GRIN2B: variants seen among roughly 807,000 people sequenced by gnomAD.
The protein encoded by GRIN2B is glutamate receptor ionotropic, NMDA 2B.
Under a neutral mutation model 114.5 loss-of-function variants are expected in GRIN2B, and 5 were observed. The ratio of observed to expected loss-of-function variants is 0.04; its 90% CI spans 0.02 to 0.09. The LOEUF is 0.09. Among genes scored for constraint, GRIN2B ranks in the 10% least tolerant of loss-of-function variants. The probability of loss-of-function intolerance (pLI) is 1.00; values close to 1 mark genes in which losing one functional copy is unlikely to be tolerated. For synonymous variants in GRIN2B, 787 were observed against 745.1 expected, an observed-to-expected ratio of 1.06 and a Z score of -0.92; for missense variants, 1,108 against 1,943.5, an observed-to-expected ratio of 0.57 and a Z score of 8.08.
intron 3 of GRIN2B, among the ~76,000 whole-genome samples, chr12:13,769,479 G>GTA (rs1863866788): frequency 6.6e-6 from 1 of 152,068 alleles, no homozygotes; most frequent in Non-Finnish European, 1.5e-5. Flanking sequence ...AGCTGTAAGG[G>GTA]TATACATTTG....
intron 4 of GRIN2B, among the ~76,000 whole-genome samples, chr12:13,736,030 CT>C (rs1166012793): frequency 6.6e-6 from 1 of 151,582 alleles, no homozygotes; most frequent in Admixed American, 6.6e-5. Context: ...GGCTTGCTTG[CT>C]TTTCCCACTT....
intron 2 of GRIN2B, among the ~76,000 whole-genome samples, chr12:13,888,727 C>A (rs546163974): frequency 6.7e-6 from 1 of 150,220 alleles, no homozygotes; most frequent in Non-Finnish European, 1.5e-5. Context: ...GAGCAAGACT[C>A]CATCTCAAAA....
chr12:13,871,699 G>A (rs772216013), intron 2 of GRIN2B, among the ~76,000 whole-genome samples: 20 of 150,184 alleles, frequency 1.3e-4, no homozygotes, highest in South Asian at 6.3e-4. Context: ...TTTAAAAGAC[G>A]TAAAGTCCTG....
chr12:13,927,718 C>A (rs887461493), intron 2 of GRIN2B, among the ~76,000 whole-genome samples: 1 of 151,860 alleles, frequency 6.6e-6, no homozygotes, highest in Non-Finnish European at 1.5e-5. Flanking sequence ...ATTTGGGAGG[C>A]TGAGGTGGGA....
At chr12:13,680,880 C>T (rs1360369333) in intron 4 of GRIN2B, among the ~76,000 whole-genome samples, 3 of 152,240 alleles carry the variant, frequency 2.0e-5, no homozygotes, top group South Asian at 2.1e-4. Context: ...GATGATTAAT[C>T]TACCTGCTTG....
At chr12:13,932,885 A>G (rs1867058629) in intron 2 of GRIN2B, among the ~76,000 whole-genome samples, 1 of 151,938 alleles carries the variant, frequency 6.6e-6, no homozygotes, top group Non-Finnish European at 1.5e-5. Flanking sequence ...ATCTAAAACT[A>G]TTGGTATTTC....
At chr12:13,821,440 T>C (rs1300119049) in intron 3 of GRIN2B, among the ~76,000 whole-genome samples, 2 of 152,152 alleles carry the variant, frequency 1.3e-5, no homozygotes, top group African/African-American at 4.8e-5. Context: ...AAAATGCAAA[T>C]GTCTGAAAGA....
At chr12:13,688,120 C>T (rs564187456) in intron 4 of GRIN2B, among the ~76,000 whole-genome samples, 12 of 152,286 alleles carry the variant, frequency 7.9e-5, no homozygotes, top group African/African-American at 2.9e-4. Flanking sequence ...AATCCATCCA[C>T]TTCTGAATGA....
intron 3 of GRIN2B, among the ~76,000 whole-genome samples, chr12:13,852,822 T>C (rs74067131): frequency 0.079 from 11,980 of 151,670 alleles, 804 homozygotes; most frequent in African/African-American, 0.19. Flanking sequence ...ACTGCCGCCA[T>C]CTGAAAAGAC....
At chr12:13,585,490 G>A (rs1948908704) in intron 10 of GRIN2B, among the ~76,000 whole-genome samples, 1 of 152,154 alleles carries the variant, frequency 6.6e-6, no homozygotes, top group Admixed American at 6.5e-5. Context: ...GGACACTCCG[G>A]TTTATGGAAT....
At chr12:13,916,987 G>A (rs1170812451) in intron 2 of GRIN2B, among the ~76,000 whole-genome samples, 2 of 151,978 alleles carry the variant, frequency 1.3e-5, no homozygotes, top group African/African-American at 2.4e-5. Flanking sequence ...GGCAAAGATG[G>A]GGAAGAGAAA....
intron 3 of GRIN2B, among the ~76,000 whole-genome samples, chr12:13,764,998 C>T (rs187905191): frequency 2.7e-4 from 41 of 152,322 alleles, no homozygotes; most frequent in African/African-American, 9.6e-4. Flanking sequence ...CATGCAGTCT[C>T]GTTATCTTTA....
intron 2 of GRIN2B, chr12:13,977,203 G>GC (rs1863036560): frequency 6.6e-6 from 1 of 152,090 alleles, no homozygotes; most frequent in Non-Finnish European, 1.5e-5. Flanking sequence ...CTCTCTGCCT[G>GC]CGTCCATCCC....
intron 12 of GRIN2B, among the ~76,000 whole-genome samples, chr12:13,569,378 G>GC (rs1948678918): frequency 6.6e-6 from 1 of 152,146 alleles, no homozygotes; most frequent in Non-Finnish European, 1.5e-5. Context: ...GCATTCTTAA[G>GC]AAAAAGGGAA....
chr12:13,945,853 C>T (rs1200044480), intron 2 of GRIN2B, among the ~76,000 whole-genome samples: 1 of 152,164 alleles, frequency 6.6e-6, no homozygotes, highest in Non-Finnish European at 1.5e-5. Flanking sequence ...TCTATTACTA[C>T]ATTTAATTCC....
intron 10 of GRIN2B, among the ~76,000 whole-genome samples, chr12:13,573,711 C>A (rs1948736623): frequency 6.6e-6 from 1 of 152,198 alleles, no homozygotes; most frequent in South Asian, 2.1e-4. Flanking sequence ...TCTAACCTGC[C>A]AACTCAGGAG....
chr12:13,734,526 A>C (rs1194139442), intron 4 of GRIN2B, among the ~76,000 whole-genome samples: 1 of 152,238 alleles, frequency 6.6e-6, no homozygotes, highest in Admixed American at 6.5e-5. Flanking sequence ...ACACATGAAG[A>C]TGGCATATTT....
chr12:13,687,281 G>A (rs1345319146), intron 4 of GRIN2B, among the ~76,000 whole-genome samples: 1 of 152,092 alleles, frequency 6.6e-6, no homozygotes, highest in East Asian at 1.9e-4. Flanking sequence ...TCTAACAGTT[G>A]ATACTCCCAG....
In GRIN2B at chr12:13,548,876, G is replaced by A. The variant is rs912415046; in HGVS notation, c.*13907C>T. 2 of 152,024 alleles carry A rather than the reference G, an allele frequency of 1.3e-5. No individual in the cohort carries two copies. The highest frequency in any genetic ancestry group is 6.6e-5 in the Admixed American group (1 of 15,266). The allele number at this position is 152,024 out of a possible 1,614,324, so 9.4% of individuals were successfully genotyped here. A position where few individuals can be genotyped will look rare whatever the true frequency, so the allele number is the denominator to read the frequency against. On this transcript the variant is annotated 3_prime_UTR_variant, in exon 14 of 14. Coordinates refer to ENST00000609686, the MANE Select transcript of GRIN2B (RefSeq NM_000834.5). ...TCCGATCATCTGAAACTAGCCTCCT[G>A]AACCAGGCTCCGGGGATCAGTACAC...
Sources: gnomAD v4.1 joint callset for allele counts (sites outside exome capture counted in the v4.1 genomes callset) on GRCh38, gnomAD v4.1.1 for gene constraint, MANE v1.5 for transcripts, NCBI Gene and HGNC (gene_info 2026-07-23, HGNC 2026-07-21) for gene names.